Variants in EML1 observed in about 807,000 individuals in gnomAD.
The protein encoded by EML1 is echinoderm microtubule-associated protein-like 1.
EML1 carries 27 observed loss-of-function variants against 110.4 expected under a neutral mutation model. The observed-to-expected ratio is 0.24, with a 90% CI of 0.18 to 0.34. EML1 has a LOEUF of 0.34. Among genes scored for constraint, EML1 ranks in the 10% least tolerant of loss-of-function variants. The pLI, the probability that EML1 is intolerant of heterozygous loss-of-function variation, is 1.00. For missense variants in EML1, 741 were observed against 1,030.9 expected (o/e 0.72, Z 3.85); for synonymous variants, 344 against 385.8 (o/e 0.89, Z 1.27).
chr14:99,754,691 A>G (rs1325316814), intron 1 of EML1, among the ~76,000 whole-genome samples: 2 of 152,198 alleles, frequency 1.3e-5, no homozygotes, highest in Non-Finnish European at 2.9e-5. Flanking sequence ...CAGGGCAGAG[A>G]GCACTGGCAA....
intron 3 of EML1, among the ~76,000 whole-genome samples, 179 bp from the exon 4 acceptor site, chr14:99,878,302 CAGAG>C (rs1163001648): frequency 6.6e-6 from 1 of 152,032 alleles, no homozygotes; most frequent in Admixed American, 6.6e-5. Flanking sequence ...GTTAAAAAGG[CAGAG>C]AGAGAGCAGA....
At chr14:99,885,040 C>A (rs538448828) in intron 4 of EML1, among the ~76,000 whole-genome samples, 1 of 152,358 alleles carries the variant, frequency 6.6e-6, no homozygotes, top group East Asian at 1.9e-4. Flanking sequence ...CCATGCTGCA[C>A]ACACCGCTTG....
At chr14:99,778,532 C>T (rs2057506970) in intron 1 of EML1, among the ~76,000 whole-genome samples, 1 of 152,192 alleles carries the variant, frequency 6.6e-6, no homozygotes, top group Non-Finnish European at 1.5e-5. Flanking sequence ...ACTGTCCATC[C>T]ACTTCCTGCA....
In EML1 at chr14:99,939,073, C is replaced by T; in HGVS notation, c.2192-124C>T. On this transcript the variant is annotated intron_variant, in intron 20 of 21. Coordinates refer to ENST00000262233, the MANE Select transcript of EML1 (RefSeq NM_004434.3). The surrounding 1 kb of genome is among the most constrained non-coding windows in gnomAD (Gnocchi z 4.2). ...ACTGAGGCTATTGTGCTTTTTTGAC[C>T]CTTGTTTCTAAAGCTGGACTTCAGG... 6.9e-7 allele frequency: 1 copy of T among 1,452,670 alleles called. No homozygotes were observed. The highest frequency in any genetic ancestry group is 9.2e-7 in the Non-Finnish European group (1 of 1,082,218). The allele number at this position is 1,452,670 out of a possible 1,614,324, so 90.0% of individuals were successfully genotyped here. A position where few individuals can be genotyped will look rare whatever the true frequency, so the allele number is the denominator to read the frequency against.
chr14:99,939,242 G>C lies in EML1; in HGVS notation c.2237G>C (p.Cys746Ser), dbSNP rs756665522. Residue 746 changes from cysteine (C) to serine (S), a missense_variant, in exon 21 of 22, where the codon TGT becomes TCT. Around this residue, in one of 4 missense-constraint regions of EML1, gnomAD observed 114 missense variants for 122.5 expected, o/e 0.93. Transcript: ENST00000262233. This position sits in a 1 kb window ranked among gnomAD's most constrained non-coding sequence, Gnocchi z 4.2. ...GSDGTDINAV[C>S]RAHEKKLLST... ...GACGGAACCGACATCAATGCCGTCTGTCGGGCCCATGAGAAGAAACTCCTG... is the reference window on the plus strand; with the variant it reads ...GACGGAACCGACATCAATGCCGTCTCTCGGGCCCATGAGAAGAAACTCCTG... 5 of 1,614,196 alleles carry C rather than the reference G, an allele frequency of 3.1e-6. No homozygotes were observed. The highest frequency in any genetic ancestry group is 4.2e-6 in the Non-Finnish European group (5 of 1,180,032).
chr14:99,817,147 T>C (rs747217844), intron 1 of EML1, among the ~76,000 whole-genome samples: 7 of 152,190 alleles, frequency 4.6e-5, no homozygotes, highest in Non-Finnish European at 8.8e-5. Flanking sequence ...AATGCTGTTG[T>C]TTTTCCTGGA....
chr14:99,924,391 T>C (rs2060196013), intron 17 of EML1, among the ~76,000 whole-genome samples: 1 of 152,204 alleles, frequency 6.6e-6, no homozygotes, highest in Non-Finnish European at 1.5e-5. Flanking sequence ...AAACTATGGA[T>C]AACAACAAAT....
chr14:99,873,945 T>C (rs1303508066), intron 3 of EML1, among the ~76,000 whole-genome samples: 2 of 152,194 alleles, frequency 1.3e-5, no homozygotes, highest in Non-Finnish European at 2.9e-5. Flanking sequence ...TTATCCAGTG[T>C]TAGTCGCCCC....
intron 13 of EML1, among the ~76,000 whole-genome samples, chr14:99,911,875 ACTTTTT>A (rs1431379985): frequency 2.6e-5 from 4 of 151,236 alleles, no homozygotes; most frequent in African/African-American, 7.3e-5. Flanking sequence ...TTCTCTTTTA[ACTTTTT>A]CTTTTTCTTT....
chr14:99,761,527 A>G (rs1165005352), intron 1 of EML1, among the ~76,000 whole-genome samples: 1 of 152,148 alleles, frequency 6.6e-6, no homozygotes, highest in East Asian at 1.9e-4. Flanking sequence ...TGTGGGAGGC[A>G]TGCTTACCAA....
At chr14:99,934,061 C>G (rs1247339525) in intron 17 of EML1, among the ~76,000 whole-genome samples, 1 of 152,240 alleles carries the variant, frequency 6.6e-6, no homozygotes, top group Non-Finnish European at 1.5e-5. Context: ...TGCCATTACA[C>G]TCCAGCCTGA....
At chr14:99,774,732 AG>A (rs1344018040) in intron 1 of EML1, among the ~76,000 whole-genome samples, 1 of 152,150 alleles carries the variant, frequency 6.6e-6, no homozygotes, top group Non-Finnish European at 1.5e-5. Flanking sequence ...CTGCAGTTCT[AG>A]GGGTAAGGGG....
chr14:99,894,043 T>C (rs2059632555), intron 5 of EML1, among the ~76,000 whole-genome samples: 1 of 152,242 alleles, frequency 6.6e-6, no homozygotes, highest in Non-Finnish European at 1.5e-5. Context: ...TCTTTTGTTC[T>C]TTTGTTTTCC....
intron 1 of EML1, among the ~76,000 whole-genome samples, chr14:99,826,620 T>C (rs777705463): frequency 1.3e-5 from 2 of 152,112 alleles, no homozygotes; most frequent in Admixed American, 6.5e-5. Context: ...TGCCCCATTG[T>C]GAATGGACAC....
At chr14:99,786,695 G>C (rs1191809652) in intron 1 of EML1, among the ~76,000 whole-genome samples, 1 of 152,244 alleles carries the variant, frequency 6.6e-6, no homozygotes, top group East Asian at 1.9e-4. Flanking sequence ...AGCACAGTGG[G>C]GCAGGGGTGT....
In EML1 at chr14:99,918,927, T is replaced by C. The variant is rs560536748; in HGVS notation, c.1820+1078T>C. ...CCAATTGAGTTAATACCTATTCACCTGGCACCTCCTACACACCGGATGGTG... is the reference window on the plus strand; with the variant it reads ...CCAATTGAGTTAATACCTATTCACCCGGCACCTCCTACACACCGGATGGTG... On this transcript the variant is annotated intron_variant, in intron 16 of 21. Transcript: ENST00000262233. Among the ~76,000 whole-genome samples, 49 of 152,342 alleles carry C rather than the reference T, an allele frequency of 3.2e-4. 1 individual carries two copies. In the South Asian group the frequency reaches 9.6e-3, roughly 30 times the overall value.
At position 99,918,064 on chromosome 14, in the gene EML1, C is replaced by T. The variant is rs191534572; in HGVS notation, c.1820+215C>T. Among the ~76,000 whole-genome samples, 219 of 152,294 alleles carry T rather than the reference C, an allele frequency of 1.4e-3. 1 individual carries two copies. Among genetic ancestry groups the T allele is most frequent in the Middle Eastern group, 0.014 (4 of 294 alleles). ...CTGAGGAAAGCCATAGACCCTCTCT[C>T]CTGGAAAAGGACCCTCTACCTCCAC... On this transcript the variant is annotated intron_variant, in intron 16 of 21. Transcript: ENST00000262233.
At chr14:99,823,184 G>A (rs778637842) in intron 1 of EML1, among the ~76,000 whole-genome samples, 13 of 152,116 alleles carry the variant, frequency 8.5e-5, no homozygotes, top group African/African-American at 1.4e-4. Context: ...GCTGCTTGTC[G>A]TCCAGACTCA....
intron 2 of EML1, among the ~76,000 whole-genome samples, chr14:99,861,895 C>T (rs139803387): frequency 1.4e-4 from 21 of 152,208 alleles, no homozygotes; most frequent in Non-Finnish European, 2.5e-4. Context: ...CTGTTATTAC[C>T]GTCTTACATT....
Sources: gnomAD v4.1 joint callset for allele counts (sites outside exome capture counted in the v4.1 genomes callset) on GRCh38, gnomAD v4.1.1 for gene constraint, gnomAD v4.1.1 regional missense constraint, Gnocchi (gnomAD v3.1) non-coding constraint, MANE v1.5 for transcripts, NCBI Gene and HGNC (gene_info 2026-07-23, HGNC 2026-07-21) for gene names.